The following PSMF1 variants were observed in gnomAD, a reference collection of about 807,000 sequenced individuals.
PSMF1 encodes the protein proteasome inhibitor PI31 subunit.
A neutral mutation model predicts 29.3 loss-of-function variants in PSMF1; 30 were observed. That is an observed-to-expected ratio of 1.02 (90% CI 0.77 to 1.39). The LOEUF (loss-of-function observed/expected upper bound fraction) is 1.39. Ranked by LOEUF, PSMF1 falls within the 40% of genes most tolerant of loss-of-function variation. PSMF1 has a pLI of 0.00. For synonymous variants in PSMF1, 134 were observed against 139.7 expected, an observed-to-expected ratio of 0.96 and a Z score of 0.29; for missense variants, 344 against 357.5, an observed-to-expected ratio of 0.96 and a Z score of 0.31.
At chr20:1,149,337 A>G (rs1384956158) in intron 4 of PSMF1, among the ~76,000 whole-genome samples, 1 of 152,268 alleles carries the variant, frequency 6.6e-6, no homozygotes. Flanking sequence ...CTGCTGGTCT[A>G]TCATGCCATT....
chr20:1,125,428 CTCGTGAGGTTCTTT>C, intron 1 of PSMF1, 56 bp from the exon 2 acceptor site: 1 of 1,468,760 alleles, frequency 6.8e-7, no homozygotes, highest in Non-Finnish European at 9.1e-7. Flanking sequence ...ATTAGCTTAT[CTCGTGAGGTTCTTT>C]ATAGTTCTGT....
Position 1,135,170 on chromosome 20 carries a change from A to C in PSMF1, c.415A>C (p.Ile139Leu), listed in dbSNP as rs1361125031. The C allele has an allele frequency of 6.2e-7, 1 of 1,614,178 alleles. No individual in the cohort carries two copies. Among genetic ancestry groups the C allele is most frequent in the Non-Finnish European group, 8.5e-7 (1 of 1,180,032 alleles). ...ELRSRIVSGIITPIHEQWEKA... is the reference protein window; with the variant it reads ...ELRSRIVSGILTPIHEQWEKA... ...TCGGTCTCGTATTGTGTCTGGAATC[A>C]TCACACCTATCCATGAGCAGTGGGA... The change falls in exon 4 of 7, where the codon ATC becomes CTC. Residue 139 changes from isoleucine (I) to leucine (L), a missense_variant. Transcript: ENST00000335877.
intron 3 of PSMF1, among the ~76,000 whole-genome samples, chr20:1,134,306 A>G (rs1367883561): frequency 6.6e-6 from 1 of 151,942 alleles, no homozygotes; most frequent in Non-Finnish European, 1.5e-5. Context: ...ATTCAGTGCT[A>G]TATATTTCTT....
upstream of PSMF1, chr20:1,118,529 C>T (rs766491580): frequency 5.2e-6 from 2 of 386,368 alleles, no homozygotes; most frequent in African/African-American, 4.1e-5. Context: ...CCTGGCGGAA[C>T]CTTTCAGTGC....
chr20:1,131,935 T>C (rs1028070585), intron 3 of PSMF1, among the ~76,000 whole-genome samples: 1 of 152,180 alleles, frequency 6.6e-6, no homozygotes, highest in Non-Finnish European at 1.5e-5. Flanking sequence ...AAAGAAGACT[T>C]GAATTTACCC....
intron 4 of PSMF1, among the ~76,000 whole-genome samples, chr20:1,154,404 A>G (rs2086568366): frequency 6.6e-6 from 1 of 152,214 alleles, no homozygotes; most frequent in Non-Finnish European, 1.5e-5. Flanking sequence ...CCTTCAGGGT[A>G]AGGAAATGGA....
At position 1,160,677 on chromosome 20, in the gene PSMF1, C is replaced by G. The variant is rs190185284; in HGVS notation, c.552-2453C>G. 1.2e-4 allele frequency: 62 copies of G among 500,552 alleles called. No homozygotes were observed. The East Asian group carries it at 3.3e-3, about 27-fold the overall frequency. 31.0% of individuals were successfully genotyped at this position (500,552 alleles called of 1,614,324 possible). A position where few individuals can be genotyped will look rare whatever the true frequency, so the allele number is the denominator to read the frequency against. Reference sequence around the variant, plus strand: ...GGACGACGCCCCTGGAACCATGTTTCCCTCCACTGTCAGGTGCCCCCAACA... The same window carrying G: ...GGACGACGCCCCTGGAACCATGTTTGCCTCCACTGTCAGGTGCCCCCAACA... On this transcript the variant is annotated intron_variant, in intron 4 of 6. Coordinates refer to ENST00000335877, the MANE Select transcript of PSMF1 (RefSeq NM_006814.5).
intron 4 of PSMF1, among the ~76,000 whole-genome samples, chr20:1,138,752 G>A (rs1435850787): frequency 6.6e-6 from 1 of 151,758 alleles, no homozygotes; most frequent in Non-Finnish European, 1.5e-5. Flanking sequence ...TTCAACCTGG[G>A]AGGTCAAGGC....
At chr20:1,161,590 G>C (rs2086668103) in intron 4 of PSMF1, 2 of 648,128 alleles carry the variant, frequency 3.1e-6, no homozygotes, top group South Asian at 3.4e-5. Flanking sequence ...ACTCCGTGTG[G>C]ATCAGCAGCT....
intron 4 of PSMF1, among the ~76,000 whole-genome samples, chr20:1,162,233 A>G (rs943910037): frequency 2.0e-5 from 3 of 152,126 alleles, no homozygotes; most frequent in Admixed American, 1.3e-4. Context: ...AGCGGTTTGC[A>G]TTTACACCTG....
chr20:1,131,210 T>C (rs1296622062), intron 3 of PSMF1, among the ~76,000 whole-genome samples: 3 of 152,246 alleles, frequency 2.0e-5, no homozygotes, highest in African/African-American at 7.2e-5. Flanking sequence ...ACAAAACCTG[T>C]GGAAGAACCT....
At chr20:1,124,738 G>C (rs6133961) in intron 1 of PSMF1, among the ~76,000 whole-genome samples, 25,360 of 152,188 alleles carry the variant, frequency 0.17, 2,577 homozygotes, top group East Asian at 0.52. Context: ...GCATTGACAT[G>C]GATACATTTC....
At chr20:1,133,551 A>ATG (rs200084263) in intron 3 of PSMF1, among the ~76,000 whole-genome samples, 757 of 60,952 alleles carry the variant, frequency 0.012, 32 homozygotes, top group African/African-American at 0.039. Context: ...TAGTCTATAT[A>ATG]TGTGTATATA....
At chr20:1,161,120 G>A (rs781094093) in intron 4 of PSMF1, 11 of 440,132 alleles carry the variant, frequency 2.5e-5, no homozygotes, top group Middle Eastern at 4.2e-4. Flanking sequence ...GACCTGGCTG[G>A]CCAGGACCTG....
chr20:1,135,374 C>G (rs2086293499), intron 4 of PSMF1, 68 bp downstream of exon 4: 1 of 1,463,962 alleles, frequency 6.8e-7, no homozygotes, highest in African/African-American at 1.4e-5. Context: ...TATCCCCATC[C>G]TGCCACTTGA....
intron 1 of PSMF1, among the ~76,000 whole-genome samples, chr20:1,123,135 CCT>C (rs2086111156): frequency 2.0e-5 from 3 of 152,164 alleles, no homozygotes; most frequent in Non-Finnish European, 4.4e-5. Context: ...ATGCTTCAGG[CCT>C]ATGAATTTCA....
intron 4 of PSMF1, among the ~76,000 whole-genome samples, chr20:1,158,990 AG>A (rs1568482034): frequency 6.6e-6 from 1 of 151,450 alleles, no homozygotes; most frequent in Non-Finnish European, 1.5e-5. Context: ...TGGGAGGCAG[AG>A]GTTGCAGTGA....
chr20:1,133,704 T>C (rs1308804020), intron 3 of PSMF1, among the ~76,000 whole-genome samples: 1 of 151,118 alleles, frequency 6.6e-6, no homozygotes, highest in Non-Finnish European at 1.5e-5. Context: ...TTAATTCTTC[T>C]TTGAATGTTT....
At chr20:1,161,715 G>T in intron 4 of PSMF1, 1 of 599,582 alleles carries the variant, frequency 1.7e-6, no homozygotes, top group Non-Finnish European at 3.1e-6. Flanking sequence ...ACAAGCAGAT[G>T]TGTAGCATTT....
Sources: gnomAD v4.1 joint callset for allele counts (sites outside exome capture counted in the v4.1 genomes callset) on GRCh38, gnomAD v4.1.1 for gene constraint, MANE v1.5 for transcripts, NCBI Gene and HGNC (gene_info 2026-07-23, HGNC 2026-07-21) for gene names.